The following GPC5 variants were observed in gnomAD, a reference collection of about 807,000 sequenced individuals.
The protein encoded by GPC5 is glypican-5.
A neutral mutation model predicts 53.9 loss-of-function variants in GPC5; 47 were observed. The ratio of observed to expected loss-of-function variants is 0.87; its 90% CI spans 0.69 to 1.11. The LOEUF (loss-of-function observed/expected upper bound fraction) is 1.11. Among genes scored for constraint, GPC5 ranks in the 50% most tolerant of loss-of-function variants. The probability of loss-of-function intolerance (pLI) is 0.00; values close to 1 mark genes in which losing one functional copy is unlikely to be tolerated. For synonymous variants in GPC5, 286 were observed against 263.3 expected, an observed-to-expected ratio of 1.09 and a Z score of -0.84; for missense variants, 748 against 713.1, an observed-to-expected ratio of 1.05 and a Z score of -0.56.
chr13:91,718,477 C>G (rs1594473770), intron 3 of GPC5, among the ~76,000 whole-genome samples: 1 of 152,052 alleles, frequency 6.6e-6, no homozygotes, highest in Non-Finnish European at 1.5e-5. Context: ...TTCTCACAAC[C>G]TCAGTATTGA....
chr13:91,937,253 C>G (rs375833345), intron 6 of GPC5, among the ~76,000 whole-genome samples: 1 of 152,072 alleles, frequency 6.6e-6, no homozygotes, highest in East Asian at 1.9e-4. Context: ...TATTTTCATT[C>G]AAATATCTTA....
chr13:91,581,260 CTAAAAAGTGTAGAGACTTTTAGAGAAAA>C (rs879873503), intron 2 of GPC5, among the ~76,000 whole-genome samples: 18 of 152,214 alleles, frequency 1.2e-4, no homozygotes, highest in Admixed American at 8.5e-4. Context: ...TCTGTGTACT[CTAAAAAGTGTAGAGACTTTTAGAGAAAA>C]TAAAAAGTAG....
chr13:92,041,279 A>T (rs2040939561), intron 6 of GPC5, among the ~76,000 whole-genome samples: 1 of 152,238 alleles, frequency 6.6e-6, no homozygotes, highest in Admixed American at 6.5e-5. Context: ...CTGTACAATC[A>T]AAATAGCAGA....
chr13:92,461,355 C>A (rs1036168116), intron 7 of GPC5, among the ~76,000 whole-genome samples: 1 of 152,116 alleles, frequency 6.6e-6, no homozygotes, highest in East Asian at 1.9e-4. Flanking sequence ...TCTCATGGAG[C>A]TTTTGTGTAG....
At chr13:91,762,161 C>G (rs902929739) in intron 5 of GPC5, among the ~76,000 whole-genome samples, 4 of 152,030 alleles carry the variant, frequency 2.6e-5, no homozygotes, top group Non-Finnish European at 4.4e-5. Flanking sequence ...ATAAGCTGAC[C>G]CTTTTCCTCA....
intron 2 of GPC5, among the ~76,000 whole-genome samples, chr13:91,619,272 T>C (rs1371461049): frequency 1.3e-5 from 2 of 152,064 alleles, no homozygotes; most frequent in Admixed American, 6.6e-5. Flanking sequence ...AATGAAGGAT[T>C]CTTAATTCTT....
At chr13:92,602,182 T>C (rs1884080619) in intron 7 of GPC5, among the ~76,000 whole-genome samples, 1 of 142,988 alleles carries the variant, frequency 7.0e-6, no homozygotes, top group Non-Finnish European at 1.5e-5. Flanking sequence ...ACACTATATA[T>C]ATTACATATA....
intron 2 of GPC5, among the ~76,000 whole-genome samples, chr13:91,495,548 C>T (rs1395601653): frequency 6.6e-6 from 1 of 152,228 alleles, no homozygotes; most frequent in African/African-American, 2.4e-5. Context: ...TTGCTTTCCT[C>T]AAGCACTAAT....
intron 2 of GPC5, among the ~76,000 whole-genome samples, chr13:91,583,186 C>A (rs140664812): frequency 6.6e-6 from 1 of 151,914 alleles, no homozygotes; most frequent in Non-Finnish European, 1.5e-5. Context: ...ATCACCACTT[C>A]TATTCAAATG....
intron 7 of GPC5, among the ~76,000 whole-genome samples, chr13:92,351,809 TAC>T (rs1215442824): frequency 3.9e-5 from 6 of 152,166 alleles, no homozygotes; most frequent in African/African-American, 1.4e-4. Flanking sequence ...ATGTAAAAAA[TAC>T]AGAGAAAATG....
intron 7 of GPC5, among the ~76,000 whole-genome samples, chr13:92,244,262 G>T (rs1031280037): frequency 1.6e-4 from 25 of 152,150 alleles, no homozygotes; most frequent in African/African-American, 6.0e-4. Context: ...TATTTTTAAT[G>T]TCCCGGCATT....
chr13:91,649,912 A>G (rs1038103579), intron 2 of GPC5, among the ~76,000 whole-genome samples: 6 of 152,210 alleles, frequency 3.9e-5, no homozygotes, highest in African/African-American at 1.4e-4. Flanking sequence ...TATAAAATAC[A>G]TAGATTTTTT....
At chr13:91,742,078 C>T (rs765266384) in intron 4 of GPC5, among the ~76,000 whole-genome samples, 21 of 152,004 alleles carry the variant, frequency 1.4e-4, no homozygotes, top group Admixed American at 9.2e-4. Context: ...CAGGCCAAGA[C>T]AAAGCTTTGG....
chr13:91,916,112 G>A (rs182262289), intron 6 of GPC5, among the ~76,000 whole-genome samples: 95 of 152,180 alleles, frequency 6.2e-4, no homozygotes, highest in Admixed American at 2.1e-3. Flanking sequence ...TATCTTAAGC[G>A]TCAATTTAAT....
chr13:91,804,928 C>T (rs2038196592), intron 5 of GPC5, among the ~76,000 whole-genome samples: 1 of 152,214 alleles, frequency 6.6e-6, no homozygotes, highest in South Asian at 2.1e-4. Context: ...CATCTGGTTC[C>T]TCTCAAGAAT....
chr13:92,408,246 A>G (rs1038826607), intron 7 of GPC5, among the ~76,000 whole-genome samples: 4 of 152,188 alleles, frequency 2.6e-5, no homozygotes, highest in Non-Finnish European at 5.9e-5. Flanking sequence ...CATCCCCCAG[A>G]TGTCCAAGCC....
At chr13:91,499,914 C>T (rs1884522259) in intron 2 of GPC5, among the ~76,000 whole-genome samples, 2 of 152,220 alleles carry the variant, frequency 1.3e-5, no homozygotes, top group Admixed American at 1.3e-4. Context: ...TATTGCCTGT[C>T]TCTACAGGAA....
chr13:92,219,421 C>G (rs901651536), intron 7 of GPC5, among the ~76,000 whole-genome samples: 6 of 152,090 alleles, frequency 3.9e-5, no homozygotes, highest in African/African-American at 1.4e-4. Flanking sequence ...ACTATTGAGG[C>G]AGGAGAAAAG....
At chr13:92,087,000 G>C (rs1239760753) in intron 6 of GPC5, among the ~76,000 whole-genome samples, 1 of 152,170 alleles carries the variant, frequency 6.6e-6, no homozygotes, top group Non-Finnish European at 1.5e-5. Flanking sequence ...TTACAACAGG[G>C]AATGCCAGAA....
Sources: gnomAD v4.1 joint callset for allele counts (sites outside exome capture counted in the v4.1 genomes callset) on GRCh38, gnomAD v4.1.1 for gene constraint, MANE v1.5 for transcripts, NCBI Gene and HGNC (gene_info 2026-07-23, HGNC 2026-07-21) for gene names.